Variants in DMRT3 observed in about 807,000 individuals in gnomAD.
DMRT3 encodes the protein doublesex and mab-3 related transcription factor 3, also known as doublesex- and mab-3-related transcription factor 3.
Under a neutral mutation model 34.9 loss-of-function variants are expected in DMRT3, and 29 were observed. The observed-to-expected ratio is 0.83, with a 90% CI of 0.62 to 1.13. DMRT3 has a LOEUF of 1.13. DMRT3 is among the 50% of genes most tolerant of loss of function. DMRT3 has a pLI of 0.00. For missense variants in DMRT3, 772 were observed against 629.1 expected, an observed-to-expected ratio of 1.23 and a Z score of -2.43; for synonymous variants, 350 against 286.0, an observed-to-expected ratio of 1.22 and a Z score of -2.26.
intron 1 of DMRT3, 137 bp downstream of exon 1, chr9:977,592 C>G (rs987959225): frequency 1.1e-6 from 1 of 903,724 alleles, no homozygotes; most frequent in African/African-American, 1.8e-5. Context: ...TACTCTCCGC[C>G]AGGCCGGGGC....
chr9:987,341 G>A (rs998182391), intron 1 of DMRT3, among the ~76,000 whole-genome samples: 1 of 151,728 alleles, frequency 6.6e-6, no homozygotes, highest in Admixed American at 6.6e-5. Context: ...TTAGCCTAAT[G>A]TTCTCAAGGT....
chr9:986,804 T>A, intron 1 of DMRT3, among the ~76,000 whole-genome samples: 1 of 150,032 alleles, frequency 6.7e-6, no homozygotes, highest in East Asian at 2.0e-4. Context: ...CGCGGGAGAA[T>A]CACTTGAACC....
rs150599487 is a variant in DMRT3, at chr9:990,335, C to A, written c.749C>A (p.Pro250Gln). 2 of 1,613,672 alleles carry A rather than the reference C, an allele frequency of 1.2e-6. No individual in the cohort carries two copies. Among genetic ancestry groups the A allele is most frequent in the Admixed American group, 3.3e-5 (2 of 59,980 alleles). Reference protein sequence around the residue: ...SLPFSLKANRPPLEVLKKIFP... With the variant: ...SLPFSLKANRQPLEVLKKIFP... ...CCCTTCAGCTTGAAAGCCAACAGAC[C>A]GCCGCTTGAAGTGTTAAAAAAGATA... The change falls in exon 2 of 2, where the codon CCG becomes CAG. Residue 250 changes from proline to glutamine, a missense_variant. Pro to Gln is a moderately conservative substitution (Grantham distance 76). Transcript: ENST00000190165.
In DMRT3 at chr9:989,838, G is replaced by C. The variant is rs554298156; in HGVS notation, c.455-203G>C. On this transcript the variant is annotated intron_variant, in intron 1 of 1. Transcript: ENST00000190165. The stretch of plus-strand genomic sequence containing the variant: ...ACAAAGCATTCCAGGAAGCCACTCT[G>C]ATTTCTAGATCTTTATTTACAGGGT... 1.6e-5 allele frequency: 10 copies of C among 606,222 alleles called. No individual in the cohort carries two copies. The Admixed American group carries it at 3.5e-4, about 21-fold the overall frequency. The allele number at this position is 606,222 out of a possible 1,614,324, so 37.6% of individuals were successfully genotyped here.
chr9:990,880 G>A lies in DMRT3; in HGVS notation c.1294G>A (p.Asp432Asn). 6.2e-7 allele frequency: 1 copy of A among 1,614,134 alleles called. No individual in the cohort carries two copies. Among genetic ancestry groups the A allele is most frequent in the Non-Finnish European group, 8.5e-7 (1 of 1,180,030 alleles). Residue 432 changes from aspartate to asparagine, a missense_variant, in exon 2 of 2, where the codon GAC (aspartate) becomes AAC (asparagine). Coordinates refer to ENST00000190165, the MANE Select transcript of DMRT3 (RefSeq NM_021240.4). ...SPVLPARATE[D>N]PRISIPDDGC... is the part of the protein sequence containing the mutation. ...CGTCCTTCCTGCCCGCGCCACGGAAGACCCTCGGATTTCCATCCCTGATGA... is the reference window on the plus strand; with the variant it reads ...CGTCCTTCCTGCCCGCGCCACGGAAAACCCTCGGATTTCCATCCCTGATGA...
Position 990,380 on chromosome 9 carries a change from C to G in DMRT3, c.794C>G (p.Thr265Arg), listed in dbSNP as rs369325576. The change falls in exon 2 of 2, where the codon ACG (threonine) becomes AGG (arginine). Residue 265 changes from threonine to arginine, a missense_variant. By Grantham distance (71) the Thr-to-Arg change is moderately conservative. Coordinates refer to ENST00000190165, the MANE Select transcript of DMRT3 (RefSeq NM_021240.4). ...LKKIFPNQKP[T>R]VLELILKGCG... ...AAGATATTCCCCAACCAGAAGCCAACGGTGCTTGAGCTCATCCTCAAGGGC... is the reference window on the plus strand; with the variant it reads ...AAGATATTCCCCAACCAGAAGCCAAGGGTGCTTGAGCTCATCCTCAAGGGC... 6.2e-7 allele frequency: 1 copy of G among 1,614,018 alleles called. No homozygotes were observed. Among genetic ancestry groups the G allele is most frequent in the Non-Finnish European group, 8.5e-7 (1 of 1,180,034 alleles).
At chr9:980,885 G>A (rs1289743966) in intron 1 of DMRT3, among the ~76,000 whole-genome samples, 1 of 152,166 alleles carries the variant, frequency 6.6e-6, no homozygotes, top group African/African-American at 2.4e-5. Flanking sequence ...TCCTCCAGGG[G>A]AGTGTCCTCG....
chr9:979,523 C>A (rs1488855814), intron 1 of DMRT3, among the ~76,000 whole-genome samples: 2 of 152,098 alleles, frequency 1.3e-5, no homozygotes, highest in Non-Finnish European at 2.9e-5. Context: ...AGCTGGTCAC[C>A]CCCACCCCCC....
At chr9:977,724 C>T (rs1178146896) in intron 1 of DMRT3, among the ~76,000 whole-genome samples, 1 of 152,194 alleles carries the variant, frequency 6.6e-6, no homozygotes, top group Non-Finnish European at 1.5e-5. Flanking sequence ...CAGGTGCCTT[C>T]CCAGGTTGAA....
chr9:990,130 G>T lies in DMRT3; in HGVS notation c.544G>T (p.Asp182Tyr), dbSNP rs748198939. Reference sequence around the variant, plus strand: ...AGACACTGACCAGAGGAGTTCCCCAGATGTGGCAAAGAGTAAGGGCTGCTT... The same window carrying T: ...AGACACTGACCAGAGGAGTTCCCCATATGTGGCAAAGAGTAAGGGCTGCTT... The part of the protein sequence containing the change: ...DKDTDQRSSP[D>Y]VAKSKGCFTP... Residue 182 changes from aspartate to tyrosine, a missense_variant, in exon 2 of 2, where the codon GAT (aspartate) becomes TAT (tyrosine). Physicochemically the swap from Asp to Tyr is radical, Grantham distance 160. Transcript: ENST00000190165. The T allele has an allele frequency of 6.2e-7, 1 of 1,614,064 alleles. No individual in the cohort carries two copies. Among genetic ancestry groups the T allele is most frequent in the East Asian group, 2.2e-5 (1 of 44,850 alleles).
chr9:989,704 T>A, intron 1 of DMRT3: 1 of 181,038 alleles, frequency 5.5e-6, no homozygotes. Context: ...CTTCCAGGAG[T>A]CCCCCACCCC....
intron 1 of DMRT3, among the ~76,000 whole-genome samples, chr9:978,803 T>G (rs1936748680): frequency 6.6e-6 from 1 of 152,236 alleles, no homozygotes; most frequent in Non-Finnish European, 1.5e-5. Flanking sequence ...TTGGATTTTG[T>G]GGATATTTAA....
In DMRT3 at chr9:990,733, C is replaced by T. The variant is rs375013874; in HGVS notation, c.1147C>T (p.Pro383Ser). Reference protein sequence around the residue: ...RNTLARSQSSPFLPNDVTLWN... With the variant: ...RNTLARSQSSSFLPNDVTLWN... ...TACTTTGGCGAGAAGCCAGTCGAGC[C>T]CCTTTTTGCCCAATGATGTCACCCT... Residue 383 changes from proline to serine, a missense_variant, in exon 2 of 2, where the codon CCC (proline) becomes TCC (serine). Coordinates refer to ENST00000190165, the MANE Select transcript of DMRT3 (RefSeq NM_021240.4). 17 of 1,614,122 alleles carry T rather than the reference C, an allele frequency of 1.1e-5. No individual in the cohort carries two copies. In the Middle Eastern group the frequency reaches 4.9e-4, roughly 47 times the overall value.
chr9:984,458 C>CTTTT (rs541965005), intron 1 of DMRT3, among the ~76,000 whole-genome samples: 2 of 147,244 alleles, frequency 1.4e-5, no homozygotes, highest in African/African-American at 2.5e-5. Context: ...AGATTTTTCA[C>CTTTT]ATTTTTTTTT....
chr9:983,792 C>A (rs1490879463), intron 1 of DMRT3, among the ~76,000 whole-genome samples: 1 of 152,114 alleles, frequency 6.6e-6, no homozygotes, highest in African/African-American at 2.4e-5. Context: ...TCCTTCAGCC[C>A]AGTCCTGTCT....
At chr9:977,947 G>GCCGGC (rs1401321014) in intron 1 of DMRT3, among the ~76,000 whole-genome samples, 3 of 152,132 alleles carry the variant, frequency 2.0e-5, no homozygotes, top group Admixed American at 6.5e-5. Context: ...GTGCTTCTCG[G>GCCGGC]CCGGCCCGGC....
intron 1 of DMRT3, among the ~76,000 whole-genome samples, chr9:986,442 C>T (rs1025257329): frequency 6.6e-6 from 1 of 151,838 alleles, no homozygotes; most frequent in Non-Finnish European, 1.5e-5. Flanking sequence ...CACTTTTTTT[C>T]TGGAGACTGA....
chr9:987,412 CTGTGTGTGTGTG>C (rs6150885), intron 1 of DMRT3, among the ~76,000 whole-genome samples: 36,588 of 149,464 alleles, frequency 0.24, 4,801 homozygotes, highest in East Asian at 0.33. Flanking sequence ...TAATATCCCA[CTGTGTGTGTGTG>C]TGTGTGTGTG....
At chr9:981,384 C>T (rs1379223207) in intron 1 of DMRT3, among the ~76,000 whole-genome samples, 2 of 152,024 alleles carry the variant, frequency 1.3e-5, no homozygotes, top group Non-Finnish European at 2.9e-5. Flanking sequence ...AAAAGAAAAG[C>T]GGGAAATACT....
Sources: gnomAD v4.1 joint callset for allele counts (sites outside exome capture counted in the v4.1 genomes callset) on GRCh38, gnomAD v4.1.1 for gene constraint, MANE v1.5 for transcripts, NCBI Gene and HGNC (gene_info 2026-07-23, HGNC 2026-07-21) for gene names.